Variants in PDE1C observed in about 807,000 individuals in gnomAD.
PDE1C encodes the protein phosphodiesterase 1C, also known as dual specificity calcium/calmodulin-dependent 3',5'-cyclic nucleotide phosphodiesterase 1C.
PDE1C carries 62 observed loss-of-function variants against 93.1 expected under a neutral mutation model. The ratio of observed to expected loss-of-function variants is 0.67; its 90% CI spans 0.54 to 0.82. PDE1C has a LOEUF of 0.82. Among genes scored for constraint, PDE1C ranks in the 40% least tolerant of loss-of-function variants. The pLI, the probability that PDE1C is intolerant of heterozygous loss-of-function variation, is 0.00. For missense variants in PDE1C, 742 were observed against 884.6 expected (o/e 0.84, Z 2.04); for synonymous variants, 325 against 310.1 (o/e 1.05, Z -0.50).
At position 32,086,697 on chromosome 7, in the gene PDE1C, A is replaced by G. The variant is rs553532391; in HGVS notation, c.308+83088T>C. 6.8e-3 allele frequency among the ~76,000 whole-genome samples: 1,031 copies of G among 152,262 alleles called. 10 individuals are homozygous for G. Among genetic ancestry groups the G allele is most frequent in the African/African-American group, 0.024 (977 of 41,538 alleles). Reference sequence around the variant, plus strand: ...ACAGAACAGAGCACTAAGAAATAACACCGCATATCTACAACTATCTGATCT... The same window carrying G: ...ACAGAACAGAGCACTAAGAAATAACGCCGCATATCTACAACTATCTGATCT... On this transcript the variant is annotated intron_variant, in intron 3 of 18. Transcript: ENST00000396193.
chr7:32,315,860 TG>T (rs1433114509), intron 1 of PDE1C, among the ~76,000 whole-genome samples: 1 of 152,132 alleles, frequency 6.6e-6, no homozygotes, highest in Non-Finnish European at 1.5e-5. Context: ...CCGGGCATGG[TG>T]GTGCATATCT....
chr7:32,299,344 G>A, upstream of PDE1C: 1 of 985,760 alleles, frequency 1.0e-6, no homozygotes, highest in Non-Finnish European at 1.2e-6. Context: ...AAATCGCCAC[G>A]CCCACTTCCT....
At position 31,801,142 on chromosome 7, in the gene PDE1C, T is replaced by C. The variant is rs1785968478; in HGVS notation, c.1891+7889A>G. Among the ~76,000 whole-genome samples the C allele has an allele frequency of 2.0e-5, 3 of 150,556 alleles. No homozygotes were observed. The South Asian group carries it at 6.3e-4, about 31-fold the overall frequency. ...AGCAGAAGAAAGGAAATAATAAAGA[T>C]GGATATTAATAAAATAGAAAACAGA... On this transcript the variant is annotated intron_variant, in intron 16 of 17. Coordinates refer to ENST00000396191, the MANE Select transcript of PDE1C (RefSeq NM_001191057.4).
chr7:32,234,222 T>A (rs1183210955), intron 1 of PDE1C, among the ~76,000 whole-genome samples: 1 of 151,868 alleles, frequency 6.6e-6, no homozygotes, highest in Non-Finnish European at 1.5e-5. Flanking sequence ...TAATATGTGC[T>A]TACCAAACTA....
intron 1 of PDE1C, among the ~76,000 whole-genome samples, chr7:32,267,582 A>ACTCTCT (rs1562634837): frequency 1.9e-3 from 134 of 70,516 alleles, no homozygotes; most frequent in Non-Finnish European, 3.0e-3. Flanking sequence ...TCACACACAC[A>ACTCTCT]CACACTCTCT....
At chr7:32,182,095 A>G (rs1803483070) in intron 2 of PDE1C, among the ~76,000 whole-genome samples, 1 of 152,182 alleles carries the variant, frequency 6.6e-6, no homozygotes, top group African/African-American at 2.4e-5. Context: ...CCAAGACTAA[A>G]CCAGGAAGAA....
intron 1 of PDE1C, among the ~76,000 whole-genome samples, chr7:32,240,989 G>A (rs959329060): frequency 1.4e-4 from 22 of 152,202 alleles, no homozygotes; most frequent in African/African-American, 5.3e-4. Flanking sequence ...GGTCAAGGAT[G>A]ACTGTAAAGC....
chr7:32,247,442 A>G (rs1809048437), intron 1 of PDE1C, among the ~76,000 whole-genome samples: 1 of 122,674 alleles, frequency 8.2e-6, no homozygotes, highest in Non-Finnish European at 1.8e-5. Context: ...ATTTTATCCC[A>G]AAGGTGATGG....
In PDE1C at chr7:32,341,312, A is replaced by T. The variant is rs1177898060; in HGVS notation, c.310+86510T>A. Among the ~76,000 whole-genome samples the T allele has an allele frequency of 2.7e-5, 4 of 146,986 alleles. No individual in the cohort carries two copies. In the East Asian group the frequency reaches 8.1e-4, roughly 30 times the overall value. ...TGCCTCAGCCTCCCGAGTAGCTGGG[A>T]CTACAGGCGCCCGCTACCACGCCCG... On this transcript the variant is annotated intron_variant, in intron 1 of 1. Transcript: ENST00000672256.
At chr7:31,700,320 C>A in the PDE1C span, among the ~76,000 whole-genome samples, 1 of 152,118 alleles carries the variant, frequency 6.6e-6, no homozygotes, top group Non-Finnish European at 1.5e-5. Context: ...TAGATTACAC[C>A]AGCCATAACC....
chr7:31,928,385 C>A (rs886118819), intron 2 of PDE1C, among the ~76,000 whole-genome samples: 2 of 152,058 alleles, frequency 1.3e-5, no homozygotes, highest in Non-Finnish European at 1.5e-5. Context: ...GAGAATTTCC[C>A]CAACCTAGCA....
chr7:31,629,087 A>T, the PDE1C span, among the ~76,000 whole-genome samples: 29 of 152,238 alleles, frequency 1.9e-4, no homozygotes, highest in African/African-American at 5.5e-4. Context: ...TTGTTCACTT[A>T]GCCCTGGAAA....
rs543849008 is a variant in PDE1C, at chr7:32,378,212, T to C, written c.310+49610A>G. On this transcript the variant is annotated intron_variant, in intron 1 of 1. Transcript: ENST00000672256. ...CCTTACTCAGGCAGATGCAGAGATCTGACCACTCTTCCTGCCCTCTCCAAT... is the reference window on the plus strand; with the variant it reads ...CCTTACTCAGGCAGATGCAGAGATCCGACCACTCTTCCTGCCCTCTCCAAT... Among the ~76,000 whole-genome samples, 355 of 152,266 alleles carry C rather than the reference T, an allele frequency of 2.3e-3. 2 individuals are homozygous for C. The highest frequency in any genetic ancestry group is 3.7e-3 in the Non-Finnish European group (251 of 68,016).
At chr7:32,316,549 T>G (rs1448577822) in intron 1 of PDE1C, among the ~76,000 whole-genome samples, 1 of 152,172 alleles carries the variant, frequency 6.6e-6, no homozygotes, top group African/African-American at 2.4e-5. Context: ...ATCACAGACT[T>G]GCATGAGACT....
intron 2 of PDE1C, among the ~76,000 whole-genome samples, chr7:32,198,777 A>G (rs901169019): frequency 1.3e-5 from 2 of 152,196 alleles, no homozygotes; most frequent in Admixed American, 6.5e-5. Flanking sequence ...GTTTTTGGAT[A>G]TGGGGACATA....
chr7:32,311,477 T>G (rs1585102651), intron 1 of PDE1C, among the ~76,000 whole-genome samples: 1 of 152,158 alleles, frequency 6.6e-6, no homozygotes, highest in East Asian at 1.9e-4. Context: ...ACCAATATCC[T>G]TGATGAACAT....
At chr7:31,987,595 T>A (rs531398328) in intron 2 of PDE1C, among the ~76,000 whole-genome samples, 1 of 150,572 alleles carries the variant, frequency 6.6e-6, no homozygotes, top group Non-Finnish European at 1.5e-5. Context: ...CCAGGTGAAA[T>A]GAAAGGCCAG....
intron 2 of PDE1C, among the ~76,000 whole-genome samples, chr7:32,013,540 A>C (rs1262226233): frequency 6.6e-6 from 1 of 152,216 alleles, no homozygotes; most frequent in Non-Finnish European, 1.5e-5. Flanking sequence ...CTGATTGGCT[A>C]GCAACTTAGA....
intron 1 of PDE1C, among the ~76,000 whole-genome samples, chr7:32,221,048 T>G (rs1226638609): frequency 1.3e-5 from 2 of 152,152 alleles, no homozygotes; most frequent in Non-Finnish European, 2.9e-5. Flanking sequence ...AGAATAGGCC[T>G]GGCTCCCTTT....
Sources: gnomAD v4.1 joint callset for allele counts (sites outside exome capture counted in the v4.1 genomes callset) on GRCh38, gnomAD v4.1.1 for gene constraint, MANE v1.5 for transcripts, NCBI Gene and HGNC (gene_info 2026-07-23, HGNC 2026-07-21) for gene names.